The following DSCAM variants were observed in gnomAD, a reference collection of about 807,000 sequenced individuals.
The protein encoded by DSCAM is cell adhesion molecule DSCAM.
Under a neutral mutation model 217.7 loss-of-function variants are expected in DSCAM, and 47 were observed. The observed-to-expected ratio is 0.22, with a 90% CI of 0.17 to 0.28. The LOEUF (loss-of-function observed/expected upper bound fraction) is 0.28, where lower values mean the gene tolerates loss of function less well. DSCAM is among the 10% of genes least tolerant of loss of function. The pLI is 1.00. For synonymous variants in DSCAM, 1,056 were observed against 1,015.3 expected, an observed-to-expected ratio of 1.04 and a Z score of -0.76; for missense variants, 2,080 against 2,618.3, an observed-to-expected ratio of 0.79 and a Z score of 4.49.
chr21:40,508,628 G>A (rs867464306), intron 3 of DSCAM, among the ~76,000 whole-genome samples: 29 of 150,290 alleles, frequency 1.9e-4, no homozygotes, highest in South Asian at 1.3e-3. Flanking sequence ...GAATGCAGCG[G>A]TGCAGTCATC....
intron 3 of DSCAM, among the ~76,000 whole-genome samples, chr21:40,577,313 A>T (rs2076859556): frequency 6.6e-6 from 1 of 150,830 alleles, no homozygotes; most frequent in South Asian, 2.1e-4. Flanking sequence ...ACCAGAACAA[A>T]GTCAAATCTG....
chr21:40,106,193 A>G (rs972691194), intron 20 of DSCAM, among the ~76,000 whole-genome samples: 1 of 152,152 alleles, frequency 6.6e-6, no homozygotes, highest in Admixed American at 6.5e-5. Context: ...AACTCATGAG[A>G]CTTATTCACT....
At chr21:40,129,414 T>C (rs1292780999) in intron 19 of DSCAM, among the ~76,000 whole-genome samples, 1 of 152,184 alleles carries the variant, frequency 6.6e-6, no homozygotes, top group Non-Finnish European at 1.5e-5. Flanking sequence ...AACCAAATCA[T>C]CATGTGGAAA....
intron 11 of DSCAM, among the ~76,000 whole-genome samples, chr21:40,217,784 T>C (rs977323140): frequency 2.6e-5 from 4 of 152,218 alleles, no homozygotes; most frequent in Non-Finnish European, 5.9e-5. Context: ...GATTTTTTTA[T>C]ATGCTTGTTG....
chr21:40,303,683 AGAAT>A (rs747085720), intron 9 of DSCAM, among the ~76,000 whole-genome samples: 21 of 152,314 alleles, frequency 1.4e-4, no homozygotes, highest in South Asian at 6.2e-4. Context: ...ATTTTGTGTA[AGAAT>A]GAATGAATGA....
intron 25 of DSCAM, 133 bp from the exon 26 acceptor site, chr21:40,079,110 G>T: frequency 1.0e-6 from 1 of 952,550 alleles, no homozygotes; most frequent in South Asian, 1.7e-5. Flanking sequence ...ACAGGCCACT[G>T]GCAACTTGTC....
intron 32 of DSCAM, among the ~76,000 whole-genome samples, chr21:40,020,290 G>A (rs951071879): frequency 6.6e-6 from 1 of 152,178 alleles, no homozygotes; most frequent in African/African-American, 2.4e-5. Flanking sequence ...GGAACTGTGA[G>A]TCCATTAAAT....
At chr21:40,798,613 G>A (rs937575074) in intron 1 of DSCAM, among the ~76,000 whole-genome samples, 2 of 152,044 alleles carry the variant, frequency 1.3e-5, no homozygotes, top group African/African-American at 2.4e-5. Flanking sequence ...AGATACATAC[G>A]ATAAACTAGG....
chr21:40,509,377 C>T (rs1237832574), intron 3 of DSCAM, among the ~76,000 whole-genome samples: 1 of 152,178 alleles, frequency 6.6e-6, no homozygotes, highest in Non-Finnish European at 1.5e-5. Context: ...TTCCAAGACC[C>T]TTTTCTTTTA....
intron 11 of DSCAM, among the ~76,000 whole-genome samples, chr21:40,223,076 C>T (rs406915): frequency 0.98 from 148,525 of 152,296 alleles, 72,486 homozygotes; most frequent in Middle Eastern, 0.99. Context: ...CAGGTGTGTC[C>T]GGTGTGGCCT....
At chr21:40,749,004 G>A (rs1295744493) in intron 1 of DSCAM, among the ~76,000 whole-genome samples, 3 of 151,970 alleles carry the variant, frequency 2.0e-5, no homozygotes, top group East Asian at 1.9e-4. Flanking sequence ...CTCAATAAAC[G>A]GTCCTCGGAA....
chr21:40,062,936 A>G, intron 27 of DSCAM, 37 bp from the exon 28 acceptor site: 1 of 1,558,272 alleles, frequency 6.4e-7, no homozygotes, highest in Non-Finnish European at 8.7e-7. Context: ...CATGGTAAAT[A>G]ACTCATTAAC....
At chr21:40,374,314 T>G (rs1241621027) in intron 3 of DSCAM, among the ~76,000 whole-genome samples, 5 of 152,368 alleles carry the variant, frequency 3.3e-5, no homozygotes, top group African/African-American at 9.6e-5. Context: ...GTAGCCTTTG[T>G]GAGCCAGACA....
At chr21:40,534,522 C>T (rs953414462) in intron 3 of DSCAM, among the ~76,000 whole-genome samples, 2 of 152,116 alleles carry the variant, frequency 1.3e-5, no homozygotes, top group Non-Finnish European at 2.9e-5. Flanking sequence ...GTGTGTACCC[C>T]GCCTTGATGT....
At chr21:40,712,900 G>A (rs976724983) in intron 1 of DSCAM, among the ~76,000 whole-genome samples, 2 of 152,002 alleles carry the variant, frequency 1.3e-5, no homozygotes, top group African/African-American at 4.8e-5. Context: ...ACAAACTGTG[G>A]CCCCCCTTCC....
At chr21:40,627,677 C>G (rs1367784643) in intron 3 of DSCAM, among the ~76,000 whole-genome samples, 1 of 152,194 alleles carries the variant, frequency 6.6e-6, no homozygotes, top group Non-Finnish European at 1.5e-5. Flanking sequence ...CCAACACTTG[C>G]ACTTACTTAA....
intron 3 of DSCAM, among the ~76,000 whole-genome samples, chr21:40,678,165 A>G (rs796318791): frequency 2.4e-4 from 37 of 152,286 alleles, no homozygotes; most frequent in African/African-American, 8.9e-4. Context: ...AGTCTTTGTA[A>G]TTCCTTCAGT....
intron 10 of DSCAM, among the ~76,000 whole-genome samples, chr21:40,286,059 G>A (rs2073819875): frequency 6.6e-6 from 1 of 152,150 alleles, no homozygotes. Context: ...GAATGGGCAT[G>A]GTGAGAGCAC....
intron 26 of DSCAM, among the ~76,000 whole-genome samples, chr21:40,075,723 A>G (rs1313302813): frequency 6.6e-6 from 1 of 152,250 alleles, no homozygotes; most frequent in Non-Finnish European, 1.5e-5. Flanking sequence ...TCGCAGGTGT[A>G]AGACCAAATC....
Sources: gnomAD v4.1 joint callset for allele counts (sites outside exome capture counted in the v4.1 genomes callset) on GRCh38, gnomAD v4.1.1 for gene constraint, MANE v1.5 for transcripts, NCBI Gene and HGNC (gene_info 2026-07-23, HGNC 2026-07-21) for gene names.